The following ABCA13 variants were observed in gnomAD, a reference collection of about 807,000 sequenced individuals.
ABCA13 encodes ATP-binding cassette sub-family A member 13.
ABCA13 carries 476 observed loss-of-function variants against 478.7 expected under a neutral mutation model. The ratio of observed to expected loss-of-function variants is 0.99; its 90% CI spans 0.92 to 1.07. The LOEUF is 1.07. Ranked by LOEUF, ABCA13 falls within the 50% of genes least tolerant of loss-of-function variation. The pLI, the probability that ABCA13 is intolerant of heterozygous loss-of-function variation, is 0.00. For synonymous variants in ABCA13, 2,252 were observed against 2,158.9 expected, an observed-to-expected ratio of 1.04 and a Z score of -1.20; for missense variants, 6,060 against 5,910.6, an observed-to-expected ratio of 1.03 and a Z score of -0.83.
chr7:48,233,896 G>T, intron 7 of ABCA13, 122 bp from the exon 8 acceptor site: 1 of 1,069,494 alleles, frequency 9.4e-7, no homozygotes, highest in East Asian at 2.6e-5. Flanking sequence ...ATGCCCCAGT[G>T]GTGTTTGGTC....
At position 48,287,976 on chromosome 7, in the gene ABCA13, C is replaced by T; in HGVS notation, c.8853C>T (p.Thr2951=). The T allele has an allele frequency of 6.2e-7, 1 of 1,613,652 alleles. No individual in the cohort carries two copies. The highest frequency in any genetic ancestry group is 1.1e-5 in the South Asian group (1 of 91,044). Reference sequence around the variant, plus strand: ...CTCTGGCAGAAAACCCTTCCTGGACCAAGGACATTTTGTGTGCTACTCTGA... The same window carrying T: ...CTCTGGCAGAAAACCCTTCCTGGACTAAGGACATTTTGTGTGCTACTCTGA... ...LTIVAENPSW[T]KDILCATLSC... The change falls in exon 20 of 62, where the codon ACC becomes ACT. Residue 2951 remains threonine (T), a synonymous_variant. Coordinates refer to ENST00000435803, the MANE Select transcript of ABCA13 (RefSeq NM_152701.5).
intron 1 of ABCA13, among the ~76,000 whole-genome samples, chr7:48,178,603 A>C (rs1795203490): frequency 6.6e-6 from 1 of 152,126 alleles, no homozygotes; most frequent in South Asian, 2.1e-4. Flanking sequence ...TGAATCTAGG[A>C]GGCAGAGGCT....
chr7:48,583,949 A>T (rs377155381), intron 56 of ABCA13, among the ~76,000 whole-genome samples: 5 of 152,264 alleles, frequency 3.3e-5, no homozygotes, highest in African/African-American at 9.6e-5. Flanking sequence ...TAACCAATCC[A>T]GAATTTGCAG....
chr7:48,623,129 C>G (rs181795003), intron 59 of ABCA13, among the ~76,000 whole-genome samples: 7 of 152,324 alleles, frequency 4.6e-5, no homozygotes, highest in African/African-American at 1.7e-4. Context: ...TGCAAACTCT[C>G]GCTGCATCTT....
At chr7:48,551,216 G>A (rs953773073) in intron 55 of ABCA13, among the ~76,000 whole-genome samples, 3 of 151,786 alleles carry the variant, frequency 2.0e-5, no homozygotes, top group African/African-American at 7.2e-5. Flanking sequence ...TAATATGTGA[G>A]CATTAAAATC....
chr7:48,526,394 T>TA (rs1279669267), intron 54 of ABCA13, among the ~76,000 whole-genome samples: 1 of 152,208 alleles, frequency 6.6e-6, no homozygotes, highest in African/African-American at 2.4e-5. Context: ...AGATGCCATT[T>TA]AAAGTTAGAT....
chr7:48,262,137 A>G (rs1794269257), intron 15 of ABCA13, among the ~76,000 whole-genome samples: 1 of 151,974 alleles, frequency 6.6e-6, no homozygotes, highest in Non-Finnish European at 1.5e-5. Flanking sequence ...ATCATTGTTC[A>G]AAAATAACAG....
chr7:48,387,499 G>A (rs1815370872), intron 35 of ABCA13, among the ~76,000 whole-genome samples: 1 of 152,114 alleles, frequency 6.6e-6, no homozygotes, highest in Non-Finnish European at 1.5e-5. Flanking sequence ...AGGGCAGTGT[G>A]GGGCAGGGTG....
chr7:48,241,137 A>G (rs1467627004), intron 10 of ABCA13, 71 bp downstream of exon 10: 3 of 1,498,086 alleles, frequency 2.0e-6, no homozygotes, highest in African/African-American at 1.4e-5. Context: ...GCGTGATGAT[A>G]CTGTTAGAAA....
intron 55 of ABCA13, among the ~76,000 whole-genome samples, chr7:48,546,566 TAAGACAA>T (rs1383440264): frequency 2.0e-5 from 3 of 146,448 alleles, no homozygotes; most frequent in African/African-American, 7.8e-5. Flanking sequence ...TATAAACTCT[TAAGACAA>T]AAGCCTTTCT....
At chr7:48,550,898 C>T (rs1785258676) in intron 55 of ABCA13, among the ~76,000 whole-genome samples, 1 of 151,390 alleles carries the variant, frequency 6.6e-6, no homozygotes, top group African/African-American at 2.4e-5. Flanking sequence ...TAATAGAGGC[C>T]AACTGAAAAT....
At chr7:48,243,912 C>T (rs112134474) in intron 10 of ABCA13, among the ~76,000 whole-genome samples, 2,181 of 152,378 alleles carry the variant, frequency 0.014, 21 homozygotes, top group Middle Eastern at 0.054. Context: ...CCTGGACTCA[C>T]CTGCTCTGGG....
intron 47 of ABCA13, among the ~76,000 whole-genome samples, chr7:48,486,375 C>G (rs1336794371): frequency 6.6e-6 from 1 of 152,204 alleles, no homozygotes; most frequent in Non-Finnish European, 1.5e-5. Flanking sequence ...TATTGGGCAC[C>G]ATTTCCATCT....
At chr7:48,637,380 GCAAA>G (rs1794729744) in intron 59 of ABCA13, among the ~76,000 whole-genome samples, 1 of 6,578 alleles carries the variant, frequency 1.5e-4, no homozygotes, top group Non-Finnish European at 2.8e-4. Flanking sequence ...TGTTCATAAA[GCAAA>G]AAAAAAAAAA....
rs1795656505 is a variant in ABCA13 at position 48,271,863 on chromosome 7, C to A, written c.2197C>A (p.Leu733Ile). ...CCTTGAGGATGAACAAATGAACTTT[C>A]TTTTATCATTTGTGGAATTTTTTGA... ...HTLEDEQMNFLLSFVEFFEKL... is the reference protein window; with the variant it reads ...HTLEDEQMNFILSFVEFFEKL... Residue 733 changes from leucine (L) to isoleucine (I), a missense_variant, in exon 17 of 62, where the codon CTT (leucine) becomes ATT (isoleucine). Around this residue, in one of 3 missense-constraint regions of ABCA13, gnomAD observed 4,423 missense variants for 4,309.1 expected, o/e 1.03. Coordinates refer to ENST00000435803, the MANE Select transcript of ABCA13 (RefSeq NM_152701.5). 6.2e-7 allele frequency: 1 copy of A among 1,601,604 alleles called. No individual in the cohort carries two copies. Among genetic ancestry groups the A allele is most frequent in the Admixed American group, 1.7e-5 (1 of 58,276 alleles).
chr7:48,560,025 G>A (rs1452671083), intron 55 of ABCA13, among the ~76,000 whole-genome samples: 2 of 152,168 alleles, frequency 1.3e-5, no homozygotes, highest in African/African-American at 2.4e-5. Flanking sequence ...CCCCACTGGT[G>A]TCTCCCTAGG....
intron 35 of ABCA13, among the ~76,000 whole-genome samples, chr7:48,378,393 A>T (rs921511961): frequency 2.2e-4 from 33 of 152,310 alleles, no homozygotes; most frequent in African/African-American, 7.5e-4. Context: ...AATTAAAAAA[A>T]ATTGTTTTCC....
chr7:48,628,101 G>A (rs999129922), intron 59 of ABCA13, among the ~76,000 whole-genome samples: 3 of 147,336 alleles, frequency 2.0e-5, no homozygotes, highest in Non-Finnish European at 4.4e-5. Context: ...TCTTTCCCCC[G>A]CTGTAAAGTT....
intron 38 of ABCA13, among the ~76,000 whole-genome samples, chr7:48,394,003 C>G (rs1261778200): frequency 6.6e-6 from 1 of 152,134 alleles, no homozygotes; most frequent in Non-Finnish European, 1.5e-5. Context: ...GTCCCCAAAC[C>G]CAACCCCCAG....
Sources: gnomAD v4.1 joint callset for allele counts (sites outside exome capture counted in the v4.1 genomes callset) on GRCh38, gnomAD v4.1.1 for gene constraint, gnomAD v4.1.1 regional missense constraint, MANE v1.5 for transcripts, NCBI Gene and HGNC (gene_info 2026-07-23, HGNC 2026-07-21) for gene names.